The following CWF19L1 variants were observed in gnomAD, a reference collection of about 807,000 sequenced individuals.
CWF19L1 encodes the protein CWF19 like cell cycle control factor 1, also known as CWF19-like protein 1.
CWF19L1 carries 60 observed loss-of-function variants against 69.7 expected under a neutral mutation model. That is an observed-to-expected ratio of 0.86 (90% CI 0.70 to 1.07). The LOEUF (loss-of-function observed/expected upper bound fraction) is 1.07. Ranked by LOEUF, CWF19L1 falls within the 50% of genes least tolerant of loss-of-function variation. The pLI is 0.00. For synonymous variants in CWF19L1, 209 were observed against 222.2 expected (o/e 0.94, Z 0.53); for missense variants, 591 against 638.9 (o/e 0.92, Z 0.81).
At chr10:100,262,127 T>C in intron 1 of CWF19L1, 64 bp from the exon 2 acceptor site, 1 of 1,559,054 alleles carries the variant, frequency 6.4e-7, no homozygotes, top group Non-Finnish European at 8.6e-7. Context: ...GGGTTTGGTA[T>C]ATACTGGTCT....
At chr10:100,235,599 C>A (rs1295010630) in intron 13 of CWF19L1, 68 bp downstream of exon 13, 11 of 1,107,876 alleles carry the variant, frequency 9.9e-6, no homozygotes, top group Non-Finnish European at 1.5e-5. Flanking sequence ...TATCAATTGT[C>A]CCATGTAGCC....
intron 10 of CWF19L1, 122 bp downstream of exon 10, chr10:100,243,576 C>A (rs530615041): frequency 3.4e-6 from 3 of 882,796 alleles, no homozygotes; most frequent in Non-Finnish European, 5.5e-6. Context: ...AGTAACCTTA[C>A]GAAAATCACC....
intron 1 of CWF19L1, chr10:100,262,525 C>A (rs752474604): frequency 1.9e-4 from 174 of 928,992 alleles, no homozygotes; most frequent in Non-Finnish European, 2.2e-4. Flanking sequence ...ACCTACCATA[C>A]GCTAAGTACA....
At chr10:100,238,932 CAAAAA>C (rs397845145) in intron 10 of CWF19L1, among the ~76,000 whole-genome samples, 4 of 68,572 alleles carry the variant, frequency 5.8e-5, no homozygotes, top group African/African-American at 6.6e-5. Context: ...ACTCCGTCTC[CAAAAA>C]AAAAAAAAAA....
chr10:100,236,101 CTTTTTTTTTTT>C (rs781285945), intron 12 of CWF19L1, among the ~76,000 whole-genome samples: 3 of 131,354 alleles, frequency 2.3e-5, no homozygotes, highest in Admixed American at 7.8e-5. Flanking sequence ...TCCACTGCCT[CTTTTTTTTTTT>C]TTTTTTTTTA....
At chr10:100,265,165 G>C (rs1046339121) in intron 1 of CWF19L1, among the ~76,000 whole-genome samples, 6 of 150,956 alleles carry the variant, frequency 4.0e-5, no homozygotes, top group African/African-American at 1.5e-4. Flanking sequence ...AAAAGTAATA[G>C]AAAAAAGCTT....
intron 2 of CWF19L1, among the ~76,000 whole-genome samples, chr10:100,261,634 A>G (rs758354989): frequency 1.3e-5 from 2 of 152,332 alleles, no homozygotes; most frequent in Non-Finnish European, 2.9e-5. Context: ...ATGGGTTGGT[A>G]TGTATGTTAC....
chr10:100,250,900 A>G (rs1459486750), intron 6 of CWF19L1, among the ~76,000 whole-genome samples: 1 of 151,572 alleles, frequency 6.6e-6, no homozygotes, highest in East Asian at 1.9e-4. Context: ...GTGAGCCTTG[A>G]TAGTACCTCA....
intron 10 of CWF19L1, among the ~76,000 whole-genome samples, chr10:100,241,000 C>CTT (rs56262807): frequency 0.011 from 778 of 70,650 alleles, 116 homozygotes; most frequent in Non-Finnish European, 0.013. Flanking sequence ...CTAATTAAGC[C>CTT]TTTTTTTTTT....
At chr10:100,237,201 A>G (rs1442842675) in intron 11 of CWF19L1, 10 of 709,966 alleles carry the variant, frequency 1.4e-5, no homozygotes, top group Non-Finnish European at 1.8e-5. Context: ...TAAGAGAGAT[A>G]TCTCCGTCAC....
chr10:100,262,539 T>C, intron 1 of CWF19L1: 1 of 852,688 alleles, frequency 1.2e-6, no homozygotes, highest in Non-Finnish European at 1.4e-6. Flanking sequence ...AAGTACAATA[T>C]GCCAAGTATA....
chr10:100,262,256 T>G (rs1468836490), intron 1 of CWF19L1, 193 bp from the exon 2 acceptor site: 1 of 985,418 alleles, frequency 1.0e-6, no homozygotes, highest in Non-Finnish European at 1.2e-6. Flanking sequence ...TCGCCGTATC[T>G]AAAATTTAGC....
intron 9 of CWF19L1, 21 bp from the exon 10 acceptor site, chr10:100,243,798 G>C (rs1846713726): frequency 1.2e-6 from 2 of 1,604,718 alleles, no homozygotes; most frequent in Non-Finnish European, 1.7e-6. Context: ...AAGAAAGCCA[G>C]GTGTTACTAT....
chr10:100,254,424 A>G (rs1021392818), intron 5 of CWF19L1: 5 of 152,214 alleles, frequency 3.3e-5, no homozygotes, highest in African/African-American at 7.2e-5. Flanking sequence ...TTGCTCCCAG[A>G]ACATCCCCAG....
intron 7 of CWF19L1, chr10:100,248,958 C>T: frequency 1.4e-6 from 1 of 735,628 alleles, no homozygotes; most frequent in African/African-American, 1.7e-5. Flanking sequence ...CAGGGAACAG[C>T]CTGATAGAGC....
At chr10:100,248,589 A>T in intron 7 of CWF19L1, 1 of 739,304 alleles carries the variant, frequency 1.4e-6, no homozygotes, top group Non-Finnish European at 2.5e-6. Flanking sequence ...CCAGCATTGA[A>T]GAGGATTATG....
rs375418063 is a variant in CWF19L1, at chr10:100,238,174, T to C, written c.1102A>G (p.Ile368Val). ...TCCACCACTGACTGGTAGTGTCCAA[T>C]AGGCAGGATGAGGACATGGTCATCA... is the stretch of plus-strand genomic sequence containing the variant. ...LSDDHVLILP[I>V]GHYQSVVELS... is the part of the protein sequence containing the mutation. The change falls in exon 11 of 14, where the codon ATT (isoleucine) becomes GTT (valine). Residue 368 changes from isoleucine (I) to valine (V), a missense_variant. Ile to Val is a conservative substitution (Grantham distance 29). This residue lies in a region of CWF19L1 where 458 missense variants were observed against 489.3 expected (regional missense o/e 0.94). Transcript: ENST00000354105. The C allele has an allele frequency of 8.3e-5, 134 of 1,614,026 alleles. No homozygotes were observed. The highest frequency in any genetic ancestry group is 1.1e-4 in the Non-Finnish European group (127 of 1,180,030).
At chr10:100,242,053 T>C (rs1846655657) in intron 10 of CWF19L1, among the ~76,000 whole-genome samples, 1 of 152,232 alleles carries the variant, frequency 6.6e-6, no homozygotes, top group Non-Finnish European at 1.5e-5. Context: ...ACTGGTATTA[T>C]TTAATGTCTA....
rs1208512988 is a variant in CWF19L1 at position 100,267,579 on chromosome 10, C to A, written c.15G>T (p.Pro5=). The part of the protein sequence containing the change: MAQK[P]LRLLACGDVE... ...CATTCACGGTCACTCACAGGCGCAG[C>A]GGTTTCTGTGCCATCTGTCCGAATA... The change falls in exon 1 of 14, where the codon CCG becomes CCT. Residue 5 remains proline, a synonymous_variant. Transcript: ENST00000354105. The A allele has an allele frequency of 6.2e-7, 1 of 1,614,196 alleles. No homozygotes were observed. Among genetic ancestry groups the A allele is most frequent in the Non-Finnish European group, 8.5e-7 (1 of 1,180,040 alleles).
Sources: allele counts gnomAD v4.1 joint callset (sites outside exome capture counted in the v4.1 genomes callset), GRCh38; gene constraint gnomAD v4.1.1; regional missense constraint gnomAD v4.1.1; transcripts MANE v1.5; gene names NCBI Gene and HGNC (gene_info 2026-07-23, HGNC 2026-07-21).